Variants in TLK1 observed in about 807,000 individuals in gnomAD.
The protein encoded by TLK1 is tousled like kinase 1, also known as serine/threonine-protein kinase tousled-like 1.
TLK1 carries 24 observed loss-of-function variants against 105.3 expected under a neutral mutation model. The ratio of observed to expected loss-of-function variants is 0.23; its 90% CI spans 0.17 to 0.32. The LOEUF is 0.32. Ranked by LOEUF, TLK1 falls within the 10% of genes least tolerant of loss-of-function variation. TLK1 has a pLI of 1.00. For synonymous variants in TLK1, 321 were observed against 310.4 expected (o/e 1.03, Z -0.36); for missense variants, 558 against 910.5 (o/e 0.61, Z 4.98).
chr2:171,137,705 C>T (rs918983827), intron 1 of TLK1, among the ~76,000 whole-genome samples: 1 of 151,770 alleles, frequency 6.6e-6, no homozygotes, highest in African/African-American at 2.4e-5. Flanking sequence ...AAAAATTAGC[C>T]GGGTGTGGCA....
intron 3 of TLK1, among the ~76,000 whole-genome samples, chr2:171,067,660 C>T (rs557628040): frequency 3.8e-4 from 58 of 152,044 alleles, no homozygotes; most frequent in African/African-American, 1.3e-3. Context: ...ATGTGCAGAA[C>T]GTACAAGTTT....
At chr2:171,190,793 T>C (rs1693131388) in intron 1 of TLK1, among the ~76,000 whole-genome samples, 1 of 152,224 alleles carries the variant, frequency 6.6e-6, no homozygotes, top group South Asian at 2.1e-4. Context: ...TGATTTTTAA[T>C]GGTATTTATC....
At chr2:171,096,788 G>A (rs1689472369) in intron 2 of TLK1, among the ~76,000 whole-genome samples, 1 of 151,554 alleles carries the variant, frequency 6.6e-6, no homozygotes, top group Non-Finnish European at 1.5e-5. Context: ...CCAAGGAGGT[G>A]AAAGATCTAT....
rs189879710 is a variant in TLK1 at position 171,184,783 on chromosome 2, T to C, written c.-6+46362A>G. Among the ~76,000 whole-genome samples the C allele has an allele frequency of 3.3e-5, 5 of 152,360 alleles. No individual in the cohort carries two copies. The East Asian group carries it at 9.6e-4, about 29-fold the overall frequency. Reference sequence around the variant, plus strand: ...CTATTCAATGTTGGTTTCTGAACTCTATCCTGATCCATTTATCAGAAAGGA... The same window carrying C: ...CTATTCAATGTTGGTTTCTGAACTCCATCCTGATCCATTTATCAGAAAGGA... On this transcript the variant is annotated intron_variant, in intron 1 of 20. Transcript: ENST00000521943.
intron 1 of TLK1, among the ~76,000 whole-genome samples, chr2:171,180,605 T>C (rs890426074): frequency 2.6e-5 from 4 of 152,206 alleles, no homozygotes; most frequent in African/African-American, 9.7e-5. Context: ...AATGACTCTT[T>C]CCAGAGTTCT....
intron 2 of TLK1, among the ~76,000 whole-genome samples, chr2:171,084,421 T>G (rs914152074): frequency 6.6e-6 from 1 of 152,100 alleles, no homozygotes; most frequent in Non-Finnish European, 1.5e-5. Context: ...TAGGTACAAT[T>G]ACAATAATGG....
At chr2:171,151,446 T>C (rs939446021) in intron 1 of TLK1, among the ~76,000 whole-genome samples, 5 of 151,694 alleles carry the variant, frequency 3.3e-5, no homozygotes, top group African/African-American at 1.2e-4. Context: ...GGGAATAGTG[T>C]CCAGCATTAA....
chr2:171,034,320 T>C lies in TLK1; in HGVS notation c.1170-5915A>G, dbSNP rs560563619. Among the ~76,000 whole-genome samples, 6 of 152,256 alleles carry C rather than the reference T, an allele frequency of 3.9e-5. No homozygotes were observed. In the East Asian group the frequency reaches 9.6e-4, roughly 24 times the overall value. ...GTGTTTATAGCAGAACTATTTATAA[T>C]AACCAAAGGGTGGAAACAACCTAAA... On this transcript the variant is annotated intron_variant, in intron 11 of 20. Coordinates refer to ENST00000431350, the MANE Select transcript of TLK1 (RefSeq NM_012290.5).
At chr2:171,021,007 T>C (rs1685472728) in intron 12 of TLK1, among the ~76,000 whole-genome samples, 1 of 152,202 alleles carries the variant, frequency 6.6e-6, no homozygotes, top group Admixed American at 6.5e-5. Context: ...ATTAACTTAG[T>C]ACCTTTACTC....
intron 1 of TLK1, among the ~76,000 whole-genome samples, chr2:171,135,301 G>GTT (rs1483263659): frequency 1.9e-5 from 2 of 106,698 alleles, no homozygotes; most frequent in Non-Finnish European, 3.7e-5. Context: ...TTATGTGTGT[G>GTT]TTTGTGTGTG....
At chr2:171,093,659 T>TA (rs34086607) in intron 2 of TLK1, among the ~76,000 whole-genome samples, 7,810 of 147,436 alleles carry the variant, frequency 0.053, 265 homozygotes, top group Non-Finnish European at 0.075. Context: ...GTGAAACCAT[T>TA]AAAAAAAAAA....
intron 1 of TLK1, among the ~76,000 whole-genome samples, chr2:171,191,734 TTTGTC>T (rs1693158839): frequency 6.6e-6 from 1 of 152,134 alleles, no homozygotes; most frequent in Non-Finnish European, 1.5e-5. Flanking sequence ...AACTCCTCTT[TTTGTC>T]ATTGACCTAT....
At position 171,218,754 on chromosome 2, in the gene TLK1, A is replaced by G. The variant is rs992329277; in HGVS notation, c.-6+12391T>C. On this transcript the variant is annotated intron_variant, in intron 1 of 20. Coordinates refer to the TLK1 transcript ENST00000521943. ...CAAAAAGGGGGCAAATACTGTGTGA[A>G]GTTCTTTTGTAGGAGCCTTAATCCC... is the stretch of plus-strand genomic sequence containing the variant. 1.4e-4 allele frequency among the ~76,000 whole-genome samples: 22 copies of G among 152,274 alleles called. 1 individual carries two copies. In the South Asian group the frequency reaches 1.4e-3, roughly 10 times the overall value.
chr2:171,124,878 C>T (rs1690804828), intron 1 of TLK1, among the ~76,000 whole-genome samples: 2 of 152,190 alleles, frequency 1.3e-5, no homozygotes, highest in African/African-American at 4.8e-5. Flanking sequence ...GAATTGACTC[C>T]TTGAATAAAG....
At chr2:171,095,848 G>A (rs1689430791) in intron 2 of TLK1, among the ~76,000 whole-genome samples, 1 of 150,946 alleles carries the variant, frequency 6.6e-6, no homozygotes, top group Non-Finnish European at 1.5e-5. Flanking sequence ...CAATAAACTA[G>A]GTATAGAAGA....
chr2:171,148,938 T>TGC (rs1450629173), intron 1 of TLK1, among the ~76,000 whole-genome samples: 5 of 147,394 alleles, frequency 3.4e-5, no homozygotes, highest in African/African-American at 1.2e-4. Flanking sequence ...CGTGTGCGTG[T>TGC]GTGTGTATGT....
At chr2:171,191,408 C>T (rs61390428) in intron 1 of TLK1, among the ~76,000 whole-genome samples, 1 of 151,440 alleles carries the variant, frequency 6.6e-6, no homozygotes, top group Non-Finnish European at 1.5e-5. Flanking sequence ...CCACCCCCCC[C>T]TCTAAAAAAA....
chr2:171,142,032 G>A (rs960285994), intron 1 of TLK1, among the ~76,000 whole-genome samples: 3 of 152,126 alleles, frequency 2.0e-5, no homozygotes, highest in Non-Finnish European at 4.4e-5. Context: ...TACAGTTAAT[G>A]TTTTCTAATG....
chr2:171,142,342 A>C (rs1028951469), intron 1 of TLK1, among the ~76,000 whole-genome samples: 5 of 152,252 alleles, frequency 3.3e-5, no homozygotes, highest in Non-Finnish European at 5.9e-5. Flanking sequence ...ACATGTTCCA[A>C]TTAAAGAACA....
Sources: allele counts gnomAD v4.1 joint callset (sites outside exome capture counted in the v4.1 genomes callset), GRCh38; gene constraint gnomAD v4.1.1; transcripts MANE v1.5; gene names NCBI Gene and HGNC (gene_info 2026-07-23, HGNC 2026-07-21).